DOCK8: variants seen among roughly 807,000 people sequenced by gnomAD.
DOCK8 encodes the protein dedicator of cytokinesis protein 8.
DOCK8 carries 141 observed loss-of-function variants against 245.6 expected under a neutral mutation model. The ratio of observed to expected loss-of-function variants is 0.57; its 90% CI spans 0.50 to 0.66. DOCK8 has a LOEUF of 0.66. Among genes scored for constraint, DOCK8 ranks in the 30% least tolerant of loss-of-function variants. The pLI is 0.00. For synonymous variants in DOCK8, 1,168 were observed against 970.2 expected, an observed-to-expected ratio of 1.20 and a Z score of -3.79; for missense variants, 2,965 against 2,603.4, an observed-to-expected ratio of 1.14 and a Z score of -3.02.
chr9:254,568 A>G (rs2047725324), intron 1 of DOCK8, among the ~76,000 whole-genome samples: 1 of 152,166 alleles, frequency 6.6e-6, no homozygotes, highest in African/African-American at 2.4e-5. Flanking sequence ...TTGTTTACAT[A>G]GTAGTAAGAA....
intron 37 of DOCK8, among the ~76,000 whole-genome samples, chr9:433,134 C>T (rs1407781002): frequency 6.6e-6 from 1 of 152,242 alleles, no homozygotes; most frequent in Non-Finnish European, 1.5e-5. Context: ...GTTCCTCTCT[C>T]ATTTCATCTT....
intron 1 of DOCK8, among the ~76,000 whole-genome samples, chr9:251,369 G>A (rs931948033): frequency 1.3e-5 from 2 of 151,590 alleles, no homozygotes; most frequent in Non-Finnish European, 3.0e-5. Context: ...CATTTGGAAC[G>A]TATTCCAGGA....
chr9:283,622 C>G (rs1276117828), intron 2 of DOCK8, among the ~76,000 whole-genome samples: 1 of 152,158 alleles, frequency 6.6e-6, no homozygotes, highest in African/African-American at 2.4e-5. Flanking sequence ...TTAGCTCCCA[C>G]TTCTAAATGA....
intron 5 of DOCK8, among the ~76,000 whole-genome samples, chr9:311,637 C>G (rs566637641): frequency 2.0e-5 from 3 of 152,204 alleles, no homozygotes; most frequent in Admixed American, 2.0e-4. Context: ...GCTTGGCCCC[C>G]CCAGCCCCAG....
chr9:247,982 T>A (rs1488650662), intron 1 of DOCK8, among the ~76,000 whole-genome samples: 53 of 145,076 alleles, frequency 3.7e-4, no homozygotes, highest in Admixed American at 7.6e-4. Flanking sequence ...TTCTCTAAGT[T>A]AAAAAAAAAA....
At chr9:407,860 G>T (rs1442083065) in intron 28 of DOCK8, among the ~76,000 whole-genome samples, 1 of 152,168 alleles carries the variant, frequency 6.6e-6, no homozygotes, top group African/African-American at 2.4e-5. Context: ...TGCCCCTCAA[G>T]AGCTCACCAT....
Position 425,589 on chromosome 9 carries a change from G to T in DOCK8, c.4242-1296G>T, listed in dbSNP as rs1234138580. Among the ~76,000 whole-genome samples the T allele has an allele frequency of 8.0e-5, 12 of 149,244 alleles. No homozygotes were observed. The East Asian group carries it at 2.2e-3, about 27-fold the overall frequency. ...ATGAGGTTAAAATGGTAAATTTGATGTTATGTGTACTTTATCACGATATAA... is the reference window on the plus strand; with the variant it reads ...ATGAGGTTAAAATGGTAAATTTGATTTTATGTGTACTTTATCACGATATAA... On this transcript the variant is annotated intron_variant, in intron 33 of 47. Coordinates refer to ENST00000432829, the MANE Select transcript of DOCK8 (RefSeq NM_203447.4).
chr9:246,507 CCT>C (rs975682570), intron 1 of DOCK8, among the ~76,000 whole-genome samples: 36 of 151,910 alleles, frequency 2.4e-4, no homozygotes, highest in African/African-American at 8.2e-4. Flanking sequence ...AGAGTGAGAC[CCT>C]GTCTCAGGAA....
chr9:424,527 A>C (rs1354789193), intron 33 of DOCK8, among the ~76,000 whole-genome samples: 1 of 151,894 alleles, frequency 6.6e-6, no homozygotes, highest in Non-Finnish European at 1.5e-5. Flanking sequence ...CTCCCACCTC[A>C]GCCTCCCAAG....
intron 4 of DOCK8, among the ~76,000 whole-genome samples, chr9:300,110 G>A (rs376838156): frequency 6.6e-6 from 1 of 151,552 alleles, no homozygotes; most frequent in African/African-American, 2.4e-5. Flanking sequence ...GCTAATTCTT[G>A]TTTTTTGTTT....
At chr9:276,243 AG>A (rs1453571522) in intron 2 of DOCK8, among the ~76,000 whole-genome samples, 1 of 152,242 alleles carries the variant, frequency 6.6e-6, no homozygotes, top group Admixed American at 6.5e-5. Context: ...GAATATATAA[AG>A]AAAGGTAACA....
rs112215110 is a variant in DOCK8, at chr9:340,387, G to A, written c.1679+66G>A. 193 of 1,595,660 alleles carry A rather than the reference G, an allele frequency of 1.2e-4. 1 individual carries two copies. Among genetic ancestry groups the A allele is most frequent in the African/African-American group, 3.1e-4 (23 of 74,716 alleles). On this transcript the variant is annotated intron_variant, in intron 14 of 47. Transcript: ENST00000432829. ...CATAATCCCATAACTTTGGGAGGCC[G>A]AGGCAGGAGGATTGCTTGAGCTCAG...
intron 30 of DOCK8, among the ~76,000 whole-genome samples, chr9:418,552 G>A (rs781084588): frequency 6.6e-6 from 1 of 152,216 alleles, no homozygotes; most frequent in Non-Finnish European, 1.5e-5. Flanking sequence ...ACAGGCGTGA[G>A]CCACTGTGCC....
Position 422,267 on chromosome 9 carries a change from C to G in DOCK8, c.4241+132C>G, listed in dbSNP as rs1358853724. ...TGAAACATCATTATCTGTGTAAATACAATTCATCCAGGGACCCAGGATAAT... is the reference window on the plus strand; with the variant it reads ...TGAAACATCATTATCTGTGTAAATAGAATTCATCCAGGGACCCAGGATAAT... On this transcript the variant is annotated intron_variant, in intron 33 of 47. Coordinates refer to ENST00000432829, the MANE Select transcript of DOCK8 (RefSeq NM_203447.4). 7 of 810,334 alleles carry G rather than the reference C, an allele frequency of 8.6e-6. No homozygotes were observed. In the East Asian group the frequency reaches 1.9e-4, roughly 22 times the overall value. The allele number at this position is 810,334 out of a possible 1,614,324, so 50.2% of individuals were successfully genotyped here.
rs539642745 is a variant in DOCK8 at position 379,966 on chromosome 9, G to A, written c.2605+31G>A. ...GTTGCCCTGAGTGTGGGACTCTGGT[G>A]GGCGGGGCAACACCACCTCCACCCC... On this transcript the variant is annotated intron_variant, in intron 21 of 47. Coordinates refer to ENST00000432829, the MANE Select transcript of DOCK8 (RefSeq NM_203447.4). The A allele has an allele frequency of 2.7e-5, 43 of 1,602,618 alleles. No individual in the cohort carries two copies. In the Admixed American group the frequency reaches 5.1e-4, roughly 19 times the overall value.
Position 420,494 on chromosome 9 carries a change from A to G in DOCK8, c.3934A>G (p.Ile1312Val). 1.9e-6 allele frequency: 3 copies of G among 1,614,088 alleles called. No individual in the cohort carries two copies. The highest frequency in any genetic ancestry group is 1.6e-4 in the Middle Eastern group (1 of 6,062). Residue 1312 changes from isoleucine to valine, a missense_variant, in exon 31 of 48, where the codon ATT (isoleucine) becomes GTT (valine). Physicochemically the swap from Ile to Val is conservative, Grantham distance 29 (BLOSUM62 3). Transcript: ENST00000432829. ...WIMKNADQSL[I>V]RKWIADLPST... is the part of the protein sequence containing the mutation. ...CATGAAAAATGCTGATCAGAGCCTC[A>G]TTAGGAAGTGGATTGCTGACCTGCC...
chr9:428,401 G>C lies in DOCK8; in HGVS notation c.4378G>C (p.Gly1460Arg). 6.2e-7 allele frequency: 1 copy of C among 1,614,206 alleles called. No homozygotes were observed. Among genetic ancestry groups the C allele is most frequent in the South Asian group, 1.1e-5 (1 of 91,078 alleles). Reference protein sequence around the residue: ...ALDCKDSLLGGVLRVLVNSLN... With the variant: ...ALDCKDSLLGRVLRVLVNSLN... ...GGACTGTAAAGACAGCCTGCTGGGA[G>C]GTGTTCTGAGGGTGCTGGTGAATTC... is the stretch of plus-strand genomic sequence containing the variant. The change falls in exon 35 of 48, where the codon GGT (glycine) becomes CGT (arginine). Residue 1460 changes from glycine (G) to arginine (R), a missense_variant. Gly to Arg is a moderately radical substitution (Grantham distance 125, BLOSUM62 -2). Around this residue, in one of 3 missense-constraint regions of DOCK8, gnomAD observed 2,825 missense variants for 2,453.5 expected, o/e 1.15. Transcript: ENST00000432829.
chr9:325,280 A>G (rs1189735859), intron 7 of DOCK8, among the ~76,000 whole-genome samples: 1 of 152,208 alleles, frequency 6.6e-6, no homozygotes, highest in Admixed American at 6.5e-5. Flanking sequence ...GATACTATCT[A>G]GCAATAAAAT....
At chr9:308,176 G>T (rs890489893) in intron 5 of DOCK8, among the ~76,000 whole-genome samples, 2 of 152,030 alleles carry the variant, frequency 1.3e-5, no homozygotes, top group African/African-American at 4.8e-5. Flanking sequence ...AATTTATTCT[G>T]TGTTTCCAAA....
Sources: allele counts gnomAD v4.1 joint callset (sites outside exome capture counted in the v4.1 genomes callset), GRCh38; gene constraint gnomAD v4.1.1; regional missense constraint gnomAD v4.1.1; transcripts MANE v1.5; gene names NCBI Gene and HGNC (gene_info 2026-07-23, HGNC 2026-07-21).